Variants in PCDHGA2 observed in about 807,000 individuals in gnomAD.
PCDHGA2 encodes protocadherin gamma subfamily A, 2.
In PCDHGA2, 40 loss-of-function variants were observed where a neutral mutation model predicts 59.2. That is an observed-to-expected ratio of 0.68 (90% CI 0.52 to 0.88). The LOEUF (loss-of-function observed/expected upper bound fraction) is 0.88, where lower values mean the gene tolerates loss of function less well. PCDHGA2 is among the 40% of genes least tolerant of loss of function. The probability of loss-of-function intolerance (pLI) is 0.00; values close to 1 mark genes in which losing one functional copy is unlikely to be tolerated. For missense variants in PCDHGA2, 1,226 were observed against 1,204.0 expected (o/e 1.02, Z -0.27); for synonymous variants, 560 against 526.0 (o/e 1.06, Z -0.89).
chr5:141,350,343 C>T (rs1758450981), intron 1 of PCDHGA2: 1 of 1,551,070 alleles, frequency 6.4e-7, no homozygotes, highest in South Asian at 1.3e-5. Context: ...GGGGCCATCT[C>T]CCAGCAGATC....
At chr5:141,350,804 A>G (rs748254938) in intron 1 of PCDHGA2, 1 of 1,614,048 alleles carries the variant, frequency 6.2e-7, no homozygotes, top group Non-Finnish European at 8.5e-7. Flanking sequence ...AACGAAGGAA[A>G]GTCCTGATGG....
chr5:141,366,216 C>T, intron 1 of PCDHGA2: 1 of 1,613,804 alleles, frequency 6.2e-7, no homozygotes, highest in Non-Finnish European at 8.5e-7. Context: ...GTGCGCACAG[C>T]GCGAGCCCTG....
chr5:141,450,581 G>A (rs2098686464), intron 1 of PCDHGA2, among the ~76,000 whole-genome samples: 1 of 151,878 alleles, frequency 6.6e-6, no homozygotes, highest in Non-Finnish European at 1.5e-5. Context: ...CTGCCTCCCA[G>A]GTTCAAGCAA....
intron 1 of PCDHGA2, chr5:141,393,499 A>T: frequency 6.2e-7 from 1 of 1,614,008 alleles, no homozygotes; most frequent in South Asian, 1.1e-5. Context: ...GTGCGCATCC[A>T]CGTGACAGTG....
At chr5:141,375,572 CA>C in intron 1 of PCDHGA2, 2 of 1,614,102 alleles carry the variant, frequency 1.2e-6, no homozygotes, top group Non-Finnish European at 1.7e-6. Flanking sequence ...AGACACCCTC[CA>C]GGGGGCGCCC....
chr5:141,400,054 C>T, intron 1 of PCDHGA2: 2 of 1,613,622 alleles, frequency 1.2e-6, no homozygotes, highest in Non-Finnish European at 1.7e-6. Flanking sequence ...GGTTGCTGTG[C>T]GTGATGGTGG....
rs768938171 is a variant in PCDHGA2 at position 141,487,276 on chromosome 5, C to T, written c.2425-7531C>T. ...TGGCTGTGTCCCTAGTGGCAATTTG[C>T]TTTGTCTCCTTTGGCTCATTCGTGG... On this transcript the variant is annotated intron_variant, in intron 1 of 3. Transcript: ENST00000394576. The surrounding 1 kb of genome is among the most constrained non-coding windows in gnomAD (Gnocchi z 5.0). The T allele has an allele frequency of 2.5e-6, 4 of 1,614,158 alleles. No homozygotes were observed. The East Asian group carries it at 8.9e-5, about 36-fold the overall frequency.
chr5:141,398,067 C>T, intron 1 of PCDHGA2: 1 of 1,577,626 alleles, frequency 6.3e-7, no homozygotes, highest in Non-Finnish European at 8.6e-7. Flanking sequence ...ATCTACAATA[C>T]AGAGGTTATT....
At chr5:141,429,845 T>C (rs888160645) in intron 1 of PCDHGA2, among the ~76,000 whole-genome samples, 4 of 152,222 alleles carry the variant, frequency 2.6e-5, no homozygotes, top group Non-Finnish European at 1.5e-5. Context: ...GGTAAGTCTG[T>C]AACATTCTTT....
intron 1 of PCDHGA2, chr5:141,364,607 G>A (rs775025025): frequency 6.2e-7 from 1 of 1,614,080 alleles, no homozygotes; most frequent in African/African-American, 1.3e-5. Context: ...GATAGACCGG[G>A]AGGAGCTCTG....
At chr5:141,361,974 G>T (rs775025074) in intron 1 of PCDHGA2, 1 of 1,601,816 alleles carries the variant, frequency 6.2e-7, no homozygotes, top group Non-Finnish European at 8.5e-7. Flanking sequence ...AGGCCAGCGA[G>T]CCCGGGCTCT....
rs536902009 is a variant in PCDHGA2, at chr5:141,361,669, G to T, written c.2424+20274G>T. 2.5e-6 allele frequency: 4 copies of T among 1,613,692 alleles called. No individual in the cohort carries two copies. The African/African-American group carries it at 4.0e-5, about 16-fold the overall frequency. ...CTACGTGTCCGTGAGCGCGCAGAGC[G>T]GGGTGGTGTTCGCGCAGCGCGCCTT... On this transcript the variant is annotated intron_variant, in intron 1 of 3. Transcript: ENST00000394576.
intron 1 of PCDHGA2, among the ~76,000 whole-genome samples, chr5:141,406,087 T>TA (rs113984376): frequency 6.7e-6 from 1 of 148,544 alleles, no homozygotes; most frequent in African/African-American, 2.5e-5. Flanking sequence ...TTTTTTTTTT[T>TA]AAGAGATGGG....
chr5:141,389,590 G>T (rs1409328445), intron 1 of PCDHGA2: 1 of 1,613,014 alleles, frequency 6.2e-7, no homozygotes, highest in Non-Finnish European at 8.5e-7. Context: ...GGTCCCGACG[G>T]CTCTGCGCTC....
intron 1 of PCDHGA2, chr5:141,372,172 C>A: frequency 6.2e-7 from 1 of 1,613,722 alleles, no homozygotes; most frequent in Non-Finnish European, 8.5e-7. Flanking sequence ...AAGGTGGTGG[C>A]GGTGGACGCA....
intron 1 of PCDHGA2, chr5:141,388,295 C>A (rs766909730): frequency 8.1e-6 from 13 of 1,613,442 alleles, no homozygotes; most frequent in Non-Finnish European, 1.1e-5. Flanking sequence ...CGCAAAATTC[C>A]TTTGAGCTGC....
At position 141,346,040 on chromosome 5, in the gene PCDHGA2, C is replaced by T. The variant is rs540686515; in HGVS notation, c.2424+4645C>T. ...CCGTGGCCGTGGCCGACAGGATCCC[C>T]GACATCCTGGCCGACCTGGGCAGCC... On this transcript the variant is annotated intron_variant, in intron 1 of 3. Coordinates refer to ENST00000394576, the MANE Select transcript of PCDHGA2 (RefSeq NM_018915.4). 6 of 1,613,578 alleles carry T rather than the reference C, an allele frequency of 3.7e-6. No homozygotes were observed. The South Asian group carries it at 5.5e-5, about 15-fold the overall frequency.
rs199698737 is a variant in PCDHGA2, at chr5:141,438,639, C to T, written c.2425-56168C>T. On this transcript the variant is annotated intron_variant, in intron 1 of 3. Transcript: ENST00000394576. ...ATATATATATATATATATATATACA[C>T]ACACACACACACATATATGTATATA... 7.1e-3 allele frequency among the ~76,000 whole-genome samples: 359 copies of T among 50,816 alleles called. 1 individual carries two copies. Among genetic ancestry groups the T allele is most frequent in the South Asian group, 0.017 (27 of 1,588 alleles). The allele number at this position is 50,816 out of a possible 152,430, so 33.3% of individuals were successfully genotyped here.
intron 1 of PCDHGA2, chr5:141,352,174 G>T (rs762320091): frequency 4.3e-6 from 7 of 1,613,660 alleles, no homozygotes; most frequent in Non-Finnish European, 5.1e-6. Context: ...GCCAGCGCCT[G>T]CTGGTCGCTG....
Sources: gnomAD v4.1 joint callset for allele counts (sites outside exome capture counted in the v4.1 genomes callset) on GRCh38, gnomAD v4.1.1 for gene constraint, Gnocchi (gnomAD v3.1) non-coding constraint, MANE v1.5 for transcripts, NCBI Gene and HGNC (gene_info 2026-07-23, HGNC 2026-07-21) for gene names.